The following GABRE variants were observed in gnomAD, a reference collection of about 807,000 sequenced individuals.
GABRE encodes gamma-aminobutyric acid type A receptor subunit epsilon.
GABRE carries 20 observed loss-of-function variants against 31.0 expected under a neutral mutation model. The ratio of observed to expected loss-of-function variants is 0.64; its 90% CI spans 0.45 to 0.94. The LOEUF is 0.94. Ranked by LOEUF, GABRE falls within the 40% of genes least tolerant of loss-of-function variation. The pLI, the probability that GABRE is intolerant of heterozygous loss-of-function variation, is 0.00. For missense variants in GABRE, 420 were observed against 410.7 expected (o/e 1.02, Z -0.20); for synonymous variants, 155 against 150.6 (o/e 1.03, Z -0.21).
chrX:151,963,462 C>T (rs1453505068), intron 3 of GABRE, among the ~76,000 whole-genome samples: 4 of 112,676 alleles, frequency 3.6e-5, no homozygotes, highest in Non-Finnish European at 7.5e-5. Flanking sequence ...CTACTACTCA[C>T]TTTGTGCTGT....
chrX:151,953,549 C>T lies in GABRE; in HGVS notation c.*1152G>A, dbSNP rs1569452514. On this transcript the variant is annotated 3_prime_UTR_variant, in exon 9 of 9. Transcript: ENST00000370328. ...CATCTGCAAAATGGGGATAAGAATC[C>T]TGCCCTAAAGATGTCACAAGGCTAT... The T allele has an allele frequency of 1.8e-5, 2 of 112,373 alleles. No homozygotes were observed. Among genetic ancestry groups the T allele is most frequent in the African/African-American group, 3.2e-5 (1 of 30,839 alleles). 9.3% of individuals were successfully genotyped at this position (112,373 alleles called of 1,213,427 possible).
At chrX:151,971,506 G>A (rs1294883313) in intron 1 of GABRE, 4 of 152,047 alleles carry the variant, frequency 2.6e-5, no homozygotes, top group Non-Finnish European at 5.1e-5. Flanking sequence ...TGTAATTATG[G>A]TATTTTCTTA....
chrX:151,974,131 A>T (rs758299998), intron 1 of GABRE, among the ~76,000 whole-genome samples: 1 of 111,404 alleles, frequency 9.0e-6, no homozygotes, highest in South Asian at 3.9e-4. Context: ...TTTTTGGCGC[A>T]GCTAAGCTCC....
rs1196155574 is a variant in GABRE at position 151,953,557 on chromosome X, A to G, written c.*1144T>C. 8.9e-6 allele frequency: 1 copy of G among 112,404 alleles called. No homozygotes were observed. Among genetic ancestry groups the G allele is most frequent in the Non-Finnish European group, 1.9e-5 (1 of 53,267 alleles). 9.3% of individuals were successfully genotyped at this position (112,404 alleles called of 1,213,427 possible). On this transcript the variant is annotated 3_prime_UTR_variant, in exon 9 of 9. Coordinates refer to ENST00000370328, the MANE Select transcript of GABRE (RefSeq NM_004961.4). ...AAATGGGGATAAGAATCCTGCCCTA[A>G]AGATGTCACAAGGCTATCATGAAGC...
chrX:151,959,287 G>A (rs1394560259), intron 6 of GABRE: 1 of 240,368 alleles, frequency 4.2e-6, no homozygotes, highest in Non-Finnish European at 7.8e-6. Context: ...CCACCATGAA[G>A]CCTTTGATAA....
chrX:151,967,227 G>A (rs1934551036), intron 3 of GABRE, among the ~76,000 whole-genome samples: 1 of 112,254 alleles, frequency 8.9e-6, no homozygotes, highest in African/African-American at 3.2e-5. Context: ...TAGAAAAGAA[G>A]GGGCAAACCA....
intron 1 of GABRE, among the ~76,000 whole-genome samples, chrX:151,973,684 G>C (rs1444443881): frequency 1.8e-5 from 2 of 111,340 alleles, no homozygotes; most frequent in African/African-American, 3.3e-5. Context: ...AAACGAAGCA[G>C]TCATCTTCCA....
intron 3 of GABRE, among the ~76,000 whole-genome samples, chrX:151,967,013 T>G (rs918470958): frequency 4.5e-5 from 5 of 111,799 alleles, no homozygotes; most frequent in Admixed American, 1.9e-4. Flanking sequence ...CAAGGGCTCT[T>G]GTAGATAGAA....
In GABRE at chrX:151,969,659, T is replaced by C; in HGVS notation, c.342+10A>G. 8.3e-7 allele frequency: 1 copy of C among 1,205,020 alleles called. No homozygotes were observed. Among genetic ancestry groups the C allele is most frequent in the Non-Finnish European group, 1.1e-6 (1 of 892,378 alleles). ...GCTAGGAAATAGTACTAAAAAAGCTTAGTACTCACCATGTCTAGGATAGAG... is the reference window on the plus strand; with the variant it reads ...GCTAGGAAATAGTACTAAAAAAGCTCAGTACTCACCATGTCTAGGATAGAG... On this transcript the variant is annotated intron_variant, in intron 3 of 8. Coordinates refer to ENST00000370328, the MANE Select transcript of GABRE (RefSeq NM_004961.4).
chrX:151,971,962 G>T, intron 1 of GABRE: 1 of 566,264 alleles, frequency 1.8e-6, no homozygotes, highest in Non-Finnish European at 2.1e-6. Flanking sequence ...TTGGTTACAC[G>T]GGCCTGTTTA....
intron 1 of GABRE, 48 bp from the exon 2 acceptor site, chrX:151,970,450 G>A (rs1430653666): frequency 2.6e-6 from 3 of 1,165,136 alleles, no homozygotes; most frequent in South Asian, 2.0e-5. Context: ...ACTCTGTAGG[G>A]GCCCCAGCTA....
In GABRE at chrX:151,955,056, C is replaced by G. The variant is rs745496701; in HGVS notation, c.1166G>C (p.Arg389Pro). 8.3e-7 allele frequency: 1 copy of G among 1,201,056 alleles called. No individual in the cohort carries two copies. Among genetic ancestry groups the G allele is most frequent in the Admixed American group, 2.2e-5 (1 of 45,199 alleles). ...HPRINSRAHA[R>P]TRARSRACAR... ...ACAGGCTCGGGAACGTGCACGGGTA[C>G]GGGCATGGGCACGGCTATTGATACG... is the stretch of plus-strand genomic sequence containing the variant. The change falls in exon 9 of 9, where the codon CGT (arginine) becomes CCT (proline). Residue 389 changes from arginine to proline, a missense_variant. Physicochemically the swap from Arg to Pro is moderately radical, Grantham distance 103 (BLOSUM62 -2). Coordinates refer to ENST00000370328, the MANE Select transcript of GABRE (RefSeq NM_004961.4).
At chrX:151,967,984 C>T (rs1934574360) in intron 3 of GABRE, among the ~76,000 whole-genome samples, 1 of 112,624 alleles carries the variant, frequency 8.9e-6, no homozygotes, top group Admixed American at 9.3e-5. Context: ...GAGGAGAATA[C>T]CACAGAAGCA....
Position 151,959,881 on chromosome X carries a change from T to A in GABRE, c.742A>T (p.Thr248Ser). ...NSWKLFQFDF[T>S]GVSNKTEIIT... The stretch of plus-strand genomic sequence containing the variant: ...ATTTCAGTTTTGTTGCTCACTCCTG[T>A]AAAATCAAACTGGAAGAGCTTCCAG... The change falls in exon 6 of 9, where the codon ACA (threonine) becomes TCA (serine). Residue 248 changes from threonine to serine, a missense_variant. By Grantham distance (58) the Thr-to-Ser change is moderately conservative. Transcript: ENST00000370328. 1 of 1,211,191 alleles carries A rather than the reference T, an allele frequency of 8.3e-7. No homozygotes were observed. Among genetic ancestry groups the A allele is most frequent in the Non-Finnish European group, 1.1e-6 (1 of 894,872 alleles).
intron 3 of GABRE, among the ~76,000 whole-genome samples, chrX:151,968,494 T>G (rs1368229315): frequency 8.9e-6 from 1 of 111,931 alleles, no homozygotes; most frequent in African/African-American, 3.2e-5. Context: ...GCGAACACCT[T>G]GATTTTCCAT....
At position 151,954,284 on chromosome X, in the gene GABRE, C is replaced by A. The variant is rs113548373; in HGVS notation, c.*417G>T. ...GTGCACTTTGAGGCTGAGGCCAGAA[C>A]TGGGCCGAAAGCACTACAAAGGCAA... On this transcript the variant is annotated 3_prime_UTR_variant, in exon 9 of 9. Coordinates refer to ENST00000370328, the MANE Select transcript of GABRE (RefSeq NM_004961.4). The A allele has an allele frequency of 8.1e-3, 1,010 of 125,132 alleles. 13 individuals carry two copies. The highest frequency in any genetic ancestry group is 0.029 in the African/African-American group (905 of 31,226). The allele number at this position is 125,132 out of a possible 1,213,427, so 10.3% of individuals were successfully genotyped here.
At chrX:151,974,204 C>T (rs1011052499) in intron 1 of GABRE, among the ~76,000 whole-genome samples, 6 of 112,088 alleles carry the variant, frequency 5.4e-5, no homozygotes, top group Admixed American at 1.9e-4. Flanking sequence ...GAAGCCTGCC[C>T]TGGCCGGTCA....
chrX:151,970,225 G>C lies in GABRE; in HGVS notation c.234C>G (p.Ile78Met). ...GCAGTTTGTGGTCATAATTACTCAG[G>C]ATAGTGTTCAGGATGCGAGAGGCTT... ...LPEASRILNTILSNYDHKLRP... is the reference protein window; with the variant it reads ...LPEASRILNTMLSNYDHKLRP... Residue 78 changes from isoleucine to methionine, a missense_variant, in exon 2 of 9, where the codon ATC (isoleucine) becomes ATG (methionine). Transcript: ENST00000370328. The C allele has an allele frequency of 8.3e-7, 1 of 1,211,812 alleles. No homozygotes were observed. Among genetic ancestry groups the C allele is most frequent in the South Asian group, 1.8e-5 (1 of 56,982 alleles).
chrX:151,969,810 G>A, intron 2 of GABRE, 74 bp from the exon 3 acceptor site: 2 of 1,161,739 alleles, frequency 1.7e-6, no homozygotes, highest in South Asian at 4.2e-5. Context: ...GTGGTCAGAG[G>A]GGATGAAAGG....
Sources: allele counts gnomAD v4.1 joint callset (sites outside exome capture counted in the v4.1 genomes callset), GRCh38; gene constraint gnomAD v4.1.1; transcripts MANE v1.5; gene names NCBI Gene and HGNC (gene_info 2026-07-23, HGNC 2026-07-21).